Variants in MTRFR observed in about 807,000 individuals in gnomAD.
MTRFR encodes the protein probable peptide chain release factor C12orf65, mitochondrial.
In MTRFR, 10 loss-of-function variants were observed where a neutral mutation model predicts 11.9. The ratio of observed to expected loss-of-function variants is 0.84; its 90% CI spans 0.52 to 1.42. The LOEUF (loss-of-function observed/expected upper bound fraction) is 1.42. Ranked by LOEUF, MTRFR falls within the 40% of genes most tolerant of loss-of-function variation. MTRFR has a pLI of 0.00. For synonymous variants in MTRFR, 77 were observed against 79.1 expected (o/e 0.97, Z 0.14); for missense variants, 196 against 197.9 (o/e 0.99, Z 0.06).
intron 1 of MTRFR, among the ~76,000 whole-genome samples, chr12:123,238,185 A>C (rs564246682): frequency 6.6e-6 from 1 of 152,090 alleles, no homozygotes; most frequent in Non-Finnish European, 1.5e-5. Flanking sequence ...GAGCCACCAC[A>C]CCCAGCCCCA....
chr12:123,252,422 ACT>A (rs1362415234), intron 1 of MTRFR: 1 of 121,886 alleles, frequency 8.2e-6, no homozygotes, highest in Non-Finnish European at 1.8e-5. Flanking sequence ...ACAGAGTGGG[ACT>A]CTGTCTCAAA....
In MTRFR at chr12:123,257,228, C is replaced by G. The variant is rs1397190176; in HGVS notation, c.*197C>G. 11 of 597,802 alleles carry G rather than the reference C, an allele frequency of 1.8e-5. No homozygotes were observed. The highest frequency in any genetic ancestry group is 3.7e-5 in the African/African-American group (2 of 53,434). The allele number at this position is 597,802 out of a possible 1,614,324, so 37.0% of individuals were successfully genotyped here. A position where few individuals can be genotyped will look rare whatever the true frequency, so the allele number is the denominator to read the frequency against. The stretch of plus-strand genomic sequence containing the variant: ...TGCACGATTCAAGAATAAAACTCGG[C>G]TGGGCACGGTGGACGGTGCCTCACA... On this transcript the variant is annotated 3_prime_UTR_variant, in exon 3 of 3. Transcript: ENST00000253233.
intron 1 of MTRFR, chr12:123,233,835 C>G (rs183097200): frequency 2.6e-5 from 4 of 153,058 alleles, no homozygotes; most frequent in East Asian, 1.9e-4. Flanking sequence ...AGGCCCAAGG[C>G]GAAACGGAAG....
At position 123,238,031 on chromosome 12, in the gene MTRFR, G is replaced by T. The variant is rs542092528; in HGVS notation, c.-29+4500G>T. On this transcript the variant is annotated intron_variant, in intron 1 of 2. Coordinates refer to ENST00000253233, the MANE Select transcript of MTRFR (RefSeq NM_152269.5). The stretch of plus-strand genomic sequence containing the variant: ...CTGCTGCAGCCTCCCGAGTAGCCGG[G>T]ACTACAGGTGCACACCACCACATCT... Among the ~76,000 whole-genome samples the T allele has an allele frequency of 1.1e-4, 16 of 152,080 alleles. No homozygotes were observed. The Middle Eastern group carries it at 0.01, about 98-fold the overall frequency.
chr12:123,253,175 G>A (rs2048137215), intron 1 of MTRFR, among the ~76,000 whole-genome samples: 2 of 137,798 alleles, frequency 1.5e-5, no homozygotes, highest in African/African-American at 2.7e-5. Flanking sequence ...CCGAGTAGCT[G>A]GGATTACAGG....
chr12:123,252,848 C>T (rs2048130398), intron 1 of MTRFR, among the ~76,000 whole-genome samples: 1 of 151,488 alleles, frequency 6.6e-6, no homozygotes, highest in African/African-American at 2.4e-5. Context: ...TCACTTGAAC[C>T]TGGGAGGCGG....
chr12:123,253,084 T>A (rs2048135343), intron 1 of MTRFR, among the ~76,000 whole-genome samples: 1 of 81,950 alleles, frequency 1.2e-5, no homozygotes, highest in Admixed American at 1.4e-4. Flanking sequence ...TTTTTTTTTT[T>A]TTTTTTTTTT....
intron 1 of MTRFR, chr12:123,240,777 A>T: frequency 7.9e-6 from 1 of 127,022 alleles, no homozygotes; most frequent in African/African-American, 3.2e-5. Context: ...TCTGTACCCC[A>T]GGCTGGAGTG....
chr12:123,246,089 G>A (rs1266471260), intron 1 of MTRFR, among the ~76,000 whole-genome samples: 1 of 152,062 alleles, frequency 6.6e-6, no homozygotes, highest in African/African-American at 2.4e-5. Context: ...AGACAGTCTC[G>A]CTCTGTCACC....
In MTRFR at chr12:123,253,829, T is replaced by C; in HGVS notation, c.155T>C (p.Leu52Pro). Reference sequence around the variant, plus strand: ...GCAGGCAAGAAGGACTACCCTGCACTGCTTTCCTTGGATGAGAATGAACTC... The same window carrying C: ...GCAGGCAAGAAGGACTACCCTGCACCGCTTTCCTTGGATGAGAATGAACTC... ...QMAGKKDYPA[L>P]LSLDENELEE... is the part of the protein sequence containing the mutation. Residue 52 changes from leucine to proline, a missense_variant, in exon 2 of 3, where the codon CTG becomes CCG. Physicochemically the swap from Leu to Pro is moderately conservative, Grantham distance 98. Transcript: ENST00000253233. 6.2e-7 allele frequency: 1 copy of C among 1,614,214 alleles called. No individual in the cohort carries two copies. The highest frequency in any genetic ancestry group is 1.3e-5 in the African/African-American group (1 of 75,060).
chr12:123,239,765 TTTTA>T (rs932213245), intron 1 of MTRFR, among the ~76,000 whole-genome samples: 1 of 152,234 alleles, frequency 6.6e-6, no homozygotes, highest in African/African-American at 2.4e-5. Flanking sequence ...AGGTGACATT[TTTTA>T]TTTTTTTTTC....
At chr12:123,239,380 A>C (rs992460159) in intron 1 of MTRFR, among the ~76,000 whole-genome samples, 1 of 150,516 alleles carries the variant, frequency 6.6e-6, no homozygotes, top group Non-Finnish European at 1.5e-5. Flanking sequence ...TTAGAATTTC[A>C]CATGTGGGTA....
At chr12:123,248,249 C>T (rs964849345) in intron 1 of MTRFR, 4 of 152,150 alleles carry the variant, frequency 2.6e-5, no homozygotes, top group African/African-American at 9.7e-5. Flanking sequence ...ATACAAAATT[C>T]TTGGCTGATA....
At position 123,254,421 on chromosome 12, in the gene MTRFR, G is replaced by A; in HGVS notation, c.282+465G>A. The A allele has an allele frequency of 3.1e-5, 6 of 192,074 alleles. No homozygotes were observed. The South Asian group carries it at 6.4e-4, about 20-fold the overall frequency. 11.9% of individuals were successfully genotyped at this position (192,074 alleles called of 1,614,324 possible). A position where few individuals can be genotyped will look rare whatever the true frequency, so the allele number is the denominator to read the frequency against. On this transcript the variant is annotated intron_variant, in intron 2 of 2. Transcript: ENST00000253233. ...GGCAAGCAGGCATGGGTTGTCTGCT[G>A]GCAGTCCCAGCCCTTAACTGTCATG...
intron 1 of MTRFR, among the ~76,000 whole-genome samples, chr12:123,243,653 C>T (rs529776120): frequency 6.6e-6 from 1 of 151,932 alleles, no homozygotes; most frequent in African/African-American, 2.4e-5. Flanking sequence ...TGCAGGGAGC[C>T]GAGATCGCGC....
In MTRFR at chr12:123,257,061, A is replaced by G; in HGVS notation, c.*30A>G. 1.9e-6 allele frequency: 3 copies of G among 1,547,062 alleles called. No individual in the cohort carries two copies. The highest frequency in any genetic ancestry group is 2.7e-6 in the Non-Finnish European group (3 of 1,121,368). On this transcript the variant is annotated 3_prime_UTR_variant, in exon 3 of 3. Coordinates refer to ENST00000253233, the MANE Select transcript of MTRFR (RefSeq NM_152269.5). The stretch of plus-strand genomic sequence containing the variant: ...AGAATTAGAGATTCCAACTGACAGA[A>G]TCTGCCAGAAGCTCCCAGGGAATAA...
intron 1 of MTRFR, among the ~76,000 whole-genome samples, chr12:123,247,395 T>G (rs115790162): frequency 2.6e-5 from 4 of 152,172 alleles, no homozygotes; most frequent in Non-Finnish European, 5.9e-5. Context: ...CTTATTACCA[T>G]TATATAATGT....
rs374464556 is a variant in MTRFR at position 123,256,877 on chromosome 12, T to C, written c.347T>C (p.Val116Ala). ...KLARKILQEK[V>A]DVFYNGENSP... ...GCTCGGAAAATCCTACAAGAGAAAG[T>C]AGATGTTTTCTACAATGGTGAAAAC... Residue 116 changes from valine (V) to alanine (A), a missense_variant, in exon 3 of 3, where the codon GTA becomes GCA. Val to Ala is a moderately conservative substitution (Grantham distance 64). Coordinates refer to ENST00000253233, the MANE Select transcript of MTRFR (RefSeq NM_152269.5). 3.7e-6 allele frequency: 6 copies of C among 1,613,678 alleles called. No homozygotes were observed. Among genetic ancestry groups the C allele is most frequent in the Admixed American group, 3.3e-5 (2 of 59,972 alleles).
At chr12:123,252,431 CA>C (rs5801510) in intron 1 of MTRFR, 87,141 of 132,548 alleles carry the variant, frequency 0.66, 30,389 homozygotes, top group East Asian at 0.99. Flanking sequence ...GACTCTGTCT[CA>C]AAAAAAAAAA....
Sources: gnomAD v4.1 joint callset for allele counts (sites outside exome capture counted in the v4.1 genomes callset) on GRCh38, gnomAD v4.1.1 for gene constraint, MANE v1.5 for transcripts, NCBI Gene and HGNC (gene_info 2026-07-23, HGNC 2026-07-21) for gene names.